SERPINB6: variants seen among roughly 807,000 people sequenced by gnomAD.
SERPINB6 encodes serpin B6.
SERPINB6 carries 16 observed loss-of-function variants against 26.1 expected under a neutral mutation model. The observed-to-expected ratio is 0.61, with a 90% CI of 0.42 to 0.93. The LOEUF (loss-of-function observed/expected upper bound fraction) is 0.93, where lower values mean the gene tolerates loss of function less well. SERPINB6 is among the 40% of genes least tolerant of loss of function. The pLI is 0.00. For missense variants in SERPINB6, 420 were observed against 478.0 expected, an observed-to-expected ratio of 0.88 and a Z score of 1.13; for synonymous variants, 174 against 176.6, an observed-to-expected ratio of 0.99 and a Z score of 0.11.
At chr6:2,952,085 C>T (rs935124587) in intron 5 of SERPINB6, among the ~76,000 whole-genome samples, 2 of 152,198 alleles carry the variant, frequency 1.3e-5, no homozygotes, top group Non-Finnish European at 2.9e-5. Flanking sequence ...AGGAGATAAA[C>T]CATGGTGAAC....
chr6:2,954,446 C>A (rs899049271), intron 4 of SERPINB6, 146 bp downstream of exon 4: 1 of 711,592 alleles, frequency 1.4e-6, no homozygotes, highest in East Asian at 2.6e-5. Context: ...ATAATGGCAA[C>A]TGATTTCAGA....
At chr6:2,949,748 C>T (rs1388684858) in intron 5 of SERPINB6, among the ~76,000 whole-genome samples, 1 of 152,214 alleles carries the variant, frequency 6.6e-6, no homozygotes, top group East Asian at 1.9e-4. Flanking sequence ...TCACATTGTT[C>T]TTTGGCTGGA....
chr6:2,959,164 G>A lies in SERPINB6; in HGVS notation c.165+4C>T, dbSNP rs774350132. The A allele has an allele frequency of 1.9e-6, 3 of 1,614,078 alleles. No homozygotes were observed. The African/African-American group carries it at 4.0e-5, about 22-fold the overall frequency. ...ATAGCACCATGGCTGCCCTGAAGCTGTACCTGGGCCATCTGTGCAGCGGTG... is the reference window on the plus strand; with the variant it reads ...ATAGCACCATGGCTGCCCTGAAGCTATACCTGGGCCATCTGTGCAGCGGTG... On this transcript the variant is annotated splice_donor_region_variant and intron_variant, in intron 2 of 6. Coordinates refer to ENST00000380539, the MANE Select transcript of SERPINB6 (RefSeq NM_004568.6).
At chr6:2,952,271 A>C (rs890050151) in intron 5 of SERPINB6, among the ~76,000 whole-genome samples, 2 of 152,248 alleles carry the variant, frequency 1.3e-5, no homozygotes, top group Non-Finnish European at 2.9e-5. Context: ...AAATTTCTTG[A>C]AAAACTGAAG....
At chr6:2,969,440 TAAA>T (rs924475434) in intron 1 of SERPINB6, 6 of 967,304 alleles carry the variant, frequency 6.2e-6, no homozygotes, top group African/African-American at 1.8e-5. Context: ...CATTTAAAAA[TAAA>T]AAATGATATT....
chr6:2,965,382 T>C (rs1489905989), intron 1 of SERPINB6, among the ~76,000 whole-genome samples: 2 of 152,240 alleles, frequency 1.3e-5, no homozygotes, highest in East Asian at 3.8e-4. Flanking sequence ...GTTTCCCTAC[T>C]ATAATACATG....
chr6:2,956,715 G>C (rs1229769084), intron 2 of SERPINB6: 1 of 152,422 alleles, frequency 6.6e-6, no homozygotes, highest in African/African-American at 2.4e-5. Flanking sequence ...CAGATACTCG[G>C]GAGGCTGAGG....
Position 2,948,617 on chromosome 6 carries a change from A to AG in SERPINB6, c.811dup (p.Leu271ProfsTer5). On this transcript the variant is annotated frameshift_variant, in exon 7 of 7. Coordinates refer to ENST00000380539, the MANE Select transcript of SERPINB6 (RefSeq NM_004568.6). LOFTEE classifies it low-confidence loss of function (END_TRUNC). The surrounding 1 kb of genome is among the most constrained non-coding windows in gnomAD (Gnocchi z 5.0). ...GCTTTCCTCTAGTTTAAACCGCGGGAGGGACACTTCCACCTCCTCTTCATC... is the reference window on the plus strand; with the variant it reads ...GCTTTCCTCTAGTTTAAACCGCGGGAGGGGACACTTCCACCTCCTCTTCATC... 3 of 1,614,068 alleles carry AG rather than the reference A, an allele frequency of 1.9e-6. No homozygotes were observed. The highest frequency in any genetic ancestry group is 2.5e-6 in the Non-Finnish European group (3 of 1,179,954).
Position 2,955,553 on chromosome 6 carries a change from A to G in SERPINB6, c.283T>C (p.Phe95Leu), listed in dbSNP as rs1770365863. 5 of 1,614,246 alleles carry G rather than the reference A, an allele frequency of 3.1e-6. No individual in the cohort carries two copies. Among genetic ancestry groups the G allele is most frequent in the Non-Finnish European group, 4.2e-6 (5 of 1,180,036 alleles). ...AGGAAATCACAAGACTTTTCCCCAAAGAGCCTGTTGGCCATCCTAAGCAAG... is the reference window on the plus strand; with the variant it reads ...AGGAAATCACAAGACTTTTCCCCAAGGAGCCTGTTGGCCATCCTAAGCAAG... ...QYLLRMANRL[F>L]GEKSCDFLSS... The change falls in exon 3 of 7, where the codon TTT becomes CTT. Residue 95 changes from phenylalanine to leucine, a missense_variant. Physicochemically the swap from Phe to Leu is conservative, Grantham distance 22. Coordinates refer to ENST00000380539, the MANE Select transcript of SERPINB6 (RefSeq NM_004568.6).
At chr6:2,962,406 T>C (rs1416548351) in intron 1 of SERPINB6, among the ~76,000 whole-genome samples, 1 of 152,218 alleles carries the variant, frequency 6.6e-6, no homozygotes, top group African/African-American at 2.4e-5. Context: ...TCGGAGGAGA[T>C]GGCACGAGTC....
At chr6:2,971,038 G>T in intron 1 of SERPINB6, 1 of 1,197,584 alleles carries the variant, frequency 8.4e-7, no homozygotes, top group Non-Finnish European at 1.0e-6. Context: ...AACACCCGGC[G>T]CCCCAAGACT....
chr6:2,955,540 G>C lies in SERPINB6; in HGVS notation c.296C>G (p.Ser99Cys). 1 of 1,614,184 alleles carries C rather than the reference G, an allele frequency of 6.2e-7. No individual in the cohort carries two copies. Among genetic ancestry groups the C allele is most frequent in the Non-Finnish European group, 8.5e-7 (1 of 1,180,030 alleles). ...RMANRLFGEK[S>C]CDFLSSFRDS... ...ATGACTTACTGAGAGGAAATCACAA[G>C]ACTTTTCCCCAAAGAGCCTGTTGGC... Residue 99 changes from serine (S) to cysteine (C), a missense_variant, in exon 3 of 7, where the codon TCT (serine) becomes TGT (cysteine). Physicochemically the swap from Ser to Cys is moderately radical, Grantham distance 112 (BLOSUM62 -1). Transcript: ENST00000380539.
chr6:2,955,390 G>T, intron 3 of SERPINB6, 134 bp downstream of exon 3: 1 of 982,096 alleles, frequency 1.0e-6, no homozygotes, highest in Non-Finnish European at 1.6e-6. Flanking sequence ...AAAACATATT[G>T]GCAGGTGAAA....
intron 1 of SERPINB6, chr6:2,960,750 A>G (rs1487460872): frequency 6.6e-6 from 1 of 152,376 alleles, no homozygotes; most frequent in Non-Finnish European, 1.5e-5. Context: ...AGTGCTCCAA[A>G]GATACCTGGG....
chr6:2,948,239 C>G lies in SERPINB6; in HGVS notation c.*59G>C. On this transcript the variant is annotated 3_prime_UTR_variant, in exon 7 of 7. Transcript: ENST00000380539. The surrounding 1 kb of genome is among the most constrained non-coding windows in gnomAD (Gnocchi z 5.0). ...GATAAGGCCACTTGGGTTGCAGGCA[C>G]ACTGTGGAGTGTCAGGGGACAGAGA... is the stretch of plus-strand genomic sequence containing the variant. The G allele has an allele frequency of 6.2e-7, 1 of 1,605,208 alleles. No homozygotes were observed.
intron 1 of SERPINB6, chr6:2,968,508 A>C: frequency 8.9e-7 from 1 of 1,129,454 alleles, no homozygotes; most frequent in Non-Finnish European, 1.1e-6. Context: ...TTCTCTTCTG[A>C]CCTTATTCCC....
At position 2,967,125 on chromosome 6, in the gene SERPINB6, T is replaced by C; in HGVS notation, c.-11+4408A>G. 1 of 985,020 alleles carries C rather than the reference T, an allele frequency of 1.0e-6. No individual in the cohort carries two copies. The highest frequency in any genetic ancestry group is 1.2e-6 in the Non-Finnish European group (1 of 829,534). 61.0% of individuals were successfully genotyped at this position (985,020 alleles called of 1,614,324 possible). On this transcript the variant is annotated intron_variant, in intron 1 of 6. Transcript: ENST00000380539. This position sits in a 1 kb window ranked among gnomAD's most constrained non-coding sequence, Gnocchi z 4.3. ...GTATGTCACTTTGGGGCCAGGCTAC[T>C]CACCCCAAAGGTGACCAGTGCAGAG... is the stretch of plus-strand genomic sequence containing the variant.
At chr6:2,968,813 TC>T in intron 1 of SERPINB6, 1 of 1,231,628 alleles carries the variant, frequency 8.1e-7, no homozygotes, top group Non-Finnish European at 1.0e-6. Context: ...ACAGGACATG[TC>T]AGCTGGGAGC....
At chr6:2,955,463 C>T (rs1192050751) in intron 3 of SERPINB6, 61 bp downstream of exon 3, 3 of 1,606,326 alleles carry the variant, frequency 1.9e-6, no homozygotes, top group Non-Finnish European at 2.6e-6. Context: ...CCTGCTGGGC[C>T]CCAGCCCCCA....
Sources: allele counts gnomAD v4.1 joint callset (sites outside exome capture counted in the v4.1 genomes callset), GRCh38; gene constraint gnomAD v4.1.1; non-coding constraint Gnocchi (gnomAD v3.1); transcripts MANE v1.5; gene names NCBI Gene and HGNC (gene_info 2026-07-23, HGNC 2026-07-21).